The following PLEKHH2 variants were observed in gnomAD, a reference collection of about 807,000 sequenced individuals.
The protein encoded by PLEKHH2 is pleckstrin homology, MyTH4 and FERM domain containing H2.
A neutral mutation model predicts 187.9 loss-of-function variants in PLEKHH2; 129 were observed. The observed-to-expected ratio is 0.69, with a 90% CI of 0.59 to 0.79. PLEKHH2 has a LOEUF of 0.79. PLEKHH2 is among the 30% of genes least tolerant of loss of function. PLEKHH2 has a pLI of 0.00. For synonymous variants in PLEKHH2, 686 were observed against 605.6 expected (o/e 1.13, Z -1.95); for missense variants, 2,076 against 1,751.2 (o/e 1.19, Z -3.31).
intron 19 of PLEKHH2, among the ~76,000 whole-genome samples, chr2:43,737,332 A>G (rs1443912573): frequency 6.6e-6 from 1 of 152,248 alleles, no homozygotes; most frequent in Non-Finnish European, 1.5e-5. Flanking sequence ...TACAATGGGT[A>G]AGAAAAAGTA....
chr2:43,659,145 G>GTA (rs1474785564), intron 2 of PLEKHH2, among the ~76,000 whole-genome samples: 1 of 146,182 alleles, frequency 6.8e-6, no homozygotes, highest in East Asian at 2.0e-4. Flanking sequence ...GCTAATTTTT[G>GTA]TATATATATA....
At chr2:43,674,884 C>A (rs1667657981) in intron 2 of PLEKHH2, among the ~76,000 whole-genome samples, 1 of 151,802 alleles carries the variant, frequency 6.6e-6, no homozygotes, top group African/African-American at 2.4e-5. Context: ...ACTCAGTAGG[C>A]TGAGATAGGA....
At chr2:43,728,256 A>C (rs958454554) in intron 17 of PLEKHH2, among the ~76,000 whole-genome samples, 6 of 152,002 alleles carry the variant, frequency 3.9e-5, no homozygotes, top group Non-Finnish European at 8.8e-5. Context: ...AGGCAGGTGG[A>C]TCACCTGAGG....
At chr2:43,693,391 T>G (rs1208187948) in intron 4 of PLEKHH2, among the ~76,000 whole-genome samples, 1 of 152,214 alleles carries the variant, frequency 6.6e-6, no homozygotes, top group East Asian at 1.9e-4. Context: ...TCCTTCTGCT[T>G]AGAAATGTGT....
rs775454882 is a variant in PLEKHH2, at chr2:43,676,369, C to T, written c.124-2494C>T. ...TGCCAGGGTCAAAGGCAGCCTGGGA[C>T]CGGGTCCTGGGGTCCCGCGCCTTCC... is the stretch of plus-strand genomic sequence containing the variant. On this transcript the variant is annotated intron_variant, in intron 2 of 29. Transcript: ENST00000282406. 4.9e-5 allele frequency: 73 copies of T among 1,493,222 alleles called. 1 individual carries two copies. The Middle Eastern group carries it at 5.3e-4, about 11-fold the overall frequency. 92.5% of individuals were successfully genotyped at this position (1,493,222 alleles called of 1,614,324 possible). A position where few individuals can be genotyped will look rare whatever the true frequency, so the allele number is the denominator to read the frequency against.
chr2:43,709,922 A>G, intron 11 of PLEKHH2, 68 bp from the exon 12 acceptor site: 1 of 1,408,294 alleles, frequency 7.1e-7, no homozygotes, highest in Non-Finnish European at 9.7e-7. Flanking sequence ...CTGTAGGAGC[A>G]CTCAGAGCTG....
chr2:43,656,323 T>G (rs745829810), intron 2 of PLEKHH2, among the ~76,000 whole-genome samples: 5 of 152,200 alleles, frequency 3.3e-5, no homozygotes, highest in Non-Finnish European at 7.3e-5. Context: ...AATACATTTA[T>G]TTTTGGTATA....
At chr2:43,762,509 T>C in intron 28 of PLEKHH2, 119 bp downstream of exon 28, 1 of 719,892 alleles carries the variant, frequency 1.4e-6, no homozygotes, top group Non-Finnish European at 2.4e-6. Context: ...ACATTCTTCC[T>C]AATACTATGT....
chr2:43,691,891 T>A (rs1392638733), intron 3 of PLEKHH2, among the ~76,000 whole-genome samples: 2 of 152,192 alleles, frequency 1.3e-5, no homozygotes. Flanking sequence ...TCTCAGGGCC[T>A]GGAATAAGCC....
At chr2:43,678,233 G>T (rs1304373172) in intron 2 of PLEKHH2, among the ~76,000 whole-genome samples, 1 of 151,278 alleles carries the variant, frequency 6.6e-6, no homozygotes, top group Non-Finnish European at 1.5e-5. Flanking sequence ...AGACTGGGCA[G>T]CCAGGCAGAG....
chr2:43,700,786 G>A (rs746336647), intron 8 of PLEKHH2, among the ~76,000 whole-genome samples, 178 bp downstream of exon 8: 5 of 152,016 alleles, frequency 3.3e-5, no homozygotes, highest in Non-Finnish European at 7.4e-5. Context: ...CTGAGTAGCT[G>A]ATACAGGCAT....
chr2:43,766,325 A>T lies in PLEKHH2; in HGVS notation c.*727A>T, dbSNP rs889423693. On this transcript the variant is annotated 3_prime_UTR_variant, in exon 30 of 30. Transcript: ENST00000282406. ...CCAGATTCAGAAGAATATTGCCCACATTTCACTGTATTTGGTGCTGGGTCA... is the reference window on the plus strand; with the variant it reads ...CCAGATTCAGAAGAATATTGCCCACTTTTCACTGTATTTGGTGCTGGGTCA... 7 of 152,752 alleles carry T rather than the reference A, an allele frequency of 4.6e-5. No homozygotes were observed. The highest frequency in any genetic ancestry group is 1.0e-4 in the Non-Finnish European group (7 of 68,044). The allele number at this position is 152,752 out of a possible 1,614,324, so 9.5% of individuals were successfully genotyped here.
At chr2:43,744,181 C>A in intron 23 of PLEKHH2, 192 bp downstream of exon 23, 1 of 1,199,448 alleles carries the variant, frequency 8.3e-7, no homozygotes, top group South Asian at 2.4e-5. Flanking sequence ...ACAATCTCTA[C>A]ATATACACAT....
chr2:43,725,576 T>C (rs1294400885), intron 16 of PLEKHH2, among the ~76,000 whole-genome samples: 1 of 152,248 alleles, frequency 6.6e-6, no homozygotes, highest in Non-Finnish European at 1.5e-5. Flanking sequence ...AGGAAAGTTT[T>C]CTGCTGGGGA....
intron 2 of PLEKHH2, among the ~76,000 whole-genome samples, chr2:43,678,093 G>T (rs1414149410): frequency 1.4e-5 from 2 of 144,192 alleles, no homozygotes; most frequent in African/African-American, 5.2e-5. Flanking sequence ...GGGCAGAGGC[G>T]CTCCTCACAT....
At chr2:43,683,446 T>G (rs1456367376) in intron 3 of PLEKHH2, among the ~76,000 whole-genome samples, 1 of 152,112 alleles carries the variant, frequency 6.6e-6, no homozygotes, top group Non-Finnish European at 1.5e-5. Context: ...GCCCTCTTTT[T>G]TTTTGTTTTT....
intron 2 of PLEKHH2, among the ~76,000 whole-genome samples, chr2:43,658,264 A>C (rs1001926246): frequency 6.6e-6 from 1 of 152,096 alleles, no homozygotes; most frequent in Non-Finnish European, 1.5e-5. Flanking sequence ...AAATCTGGTA[A>C]TTTATATTTT....
At chr2:43,712,164 A>T (rs1172620425) in intron 14 of PLEKHH2, 61 bp from the exon 15 acceptor site, 1 of 1,555,192 alleles carries the variant, frequency 6.4e-7, no homozygotes. Flanking sequence ...TGAACAAGGA[A>T]ATGCTAACAA....
At chr2:43,706,952 C>T (rs986631856) in intron 10 of PLEKHH2, among the ~76,000 whole-genome samples, 2 of 152,124 alleles carry the variant, frequency 1.3e-5, no homozygotes, top group South Asian at 2.1e-4. Context: ...AATCCCAGCA[C>T]TTTGGGAGGC....
Sources: allele counts gnomAD v4.1 joint callset (sites outside exome capture counted in the v4.1 genomes callset), GRCh38; gene constraint gnomAD v4.1.1; transcripts MANE v1.5; gene names NCBI Gene and HGNC (gene_info 2026-07-23, HGNC 2026-07-21).